Variants in KEL observed in about 807,000 individuals in gnomAD.
KEL encodes the protein kell blood group glycoprotein.
KEL carries 96 observed loss-of-function variants against 99.5 expected under a neutral mutation model. The observed-to-expected ratio is 0.97, with a 90% CI of 0.82 to 1.14. The LOEUF is 1.14. Ranked by LOEUF, KEL falls within the 50% of genes most tolerant of loss-of-function variation. The probability of loss-of-function intolerance (pLI) is 0.00; values close to 1 mark genes in which losing one functional copy is unlikely to be tolerated. For synonymous variants in KEL, 355 were observed against 354.8 expected (o/e 1.00, Z -0.01); for missense variants, 926 against 924.2 (o/e 1.00, Z -0.03).
chr7:142,952,561 G>A lies in KEL; in HGVS notation c.1151C>T (p.Ala384Val), dbSNP rs747535659. 1.2e-6 allele frequency: 2 copies of A among 1,614,126 alleles called. No individual in the cohort carries two copies. Among genetic ancestry groups the A allele is most frequent in the South Asian group, 2.2e-5 (2 of 91,082 alleles). The change falls in exon 10 of 19, where the codon GCA becomes GTA. Residue 384 changes from alanine to valine, a missense_variant. By Grantham distance (64) the Ala-to-Val change is moderately conservative (BLOSUM62 0). Transcript: ENST00000355265. ...SPALDSQFQE[A>V]RRKLSQKLRE... ...CAGTTTCTGGCTGAGCTTTCTGCGT[G>A]CCTCCTGGAATTGACTGTCCAGGGC...
rs1027614296 is a variant in KEL, at chr7:142,961,848, C to A, written c.28G>T (p.Glu10Ter). The A allele has an allele frequency of 1.2e-6, 2 of 1,613,992 alleles. No individual in the cohort carries two copies. Among genetic ancestry groups the A allele is most frequent in the African/African-American group, 2.7e-5 (2 of 74,906 alleles). MEGGDQSEE[E>*]PRERSQAGGM... is the part of the protein sequence containing the mutation. ...CCTGCCTGGCTGCGTTCCCTCGGCT[C>A]TTCCTCACTTTGGTCCCCACCTTCC... Residue 10 changes from glutamate to a stop codon, truncating the protein, a stop_gained, in exon 2 of 19, where the codon GAG (glutamate) becomes TAG (stop). Transcript: ENST00000355265. LOFTEE classifies it high-confidence loss of function.
In KEL at chr7:142,944,394, G is replaced by A. The variant is rs61729056; in HGVS notation, c.1420C>T (p.Gln474Ter). ...GAAGCCCCCATCTCCACCTGCAGTT[G>A]AGCAACCTGGAGAGAGACACAGAAG... ...TQNMAQDKVA[Q>*]LQVEMGASEW... Residue 474 changes from glutamine to a stop codon, truncating the protein, a stop_gained, in exon 13 of 19, where the codon CAA (glutamine) becomes TAA (stop). Coordinates refer to ENST00000355265, the MANE Select transcript of KEL (RefSeq NM_000420.3). LOFTEE classifies it high-confidence loss of function. 20 of 1,612,680 alleles carry A rather than the reference G, an allele frequency of 1.2e-5. No individual in the cohort carries two copies. The highest frequency in any genetic ancestry group is 1.6e-5 in the Non-Finnish European group (19 of 1,178,772).
intron 11 of KEL, among the ~76,000 whole-genome samples, chr7:142,945,707 C>A (rs911051316): frequency 2.0e-5 from 3 of 152,012 alleles, no homozygotes; most frequent in Non-Finnish European, 4.4e-5. Context: ...CGGCTCACTG[C>A]AACCTCTGCC....
chr7:142,948,781 C>T (rs1796598563), intron 10 of KEL, among the ~76,000 whole-genome samples: 2 of 152,132 alleles, frequency 1.3e-5, no homozygotes, highest in Admixed American at 6.5e-5. Context: ...AGTGCAACAT[C>T]AGAGCTACAG....
rs772198215 is a variant in KEL at position 142,953,873 on chromosome 7, C to T, written c.1008G>A (p.Val336=). The T allele has an allele frequency of 1.5e-5, 25 of 1,614,046 alleles. No individual in the cohort carries two copies. Among genetic ancestry groups the T allele is most frequent in the Admixed American group, 1.5e-4 (9 of 60,000 alleles). ...TTTTCAAATATTCCACGTCATGGAC[C>T]ACGAGGGACTGAGAAGGGCTCAGGG... ...PMSLSPSQSL[V]VHDVEYLKNM... is the part of the protein sequence containing the mutation. Residue 336 remains valine (V), a synonymous_variant, in exon 9 of 19, where the codon GTG becomes GTA. Transcript: ENST00000355265.
Position 142,961,063 on chromosome 7 carries a change from A to G in KEL, c.265T>C (p.Tyr89His). 6.2e-7 allele frequency: 1 copy of G among 1,614,198 alleles called. No individual in the cohort carries two copies. The highest frequency in any genetic ancestry group is 2.2e-5 in the East Asian group (1 of 44,876). Residue 89 changes from tyrosine to histidine, a missense_variant, in exon 4 of 19, where the codon TAC becomes CAC. Coordinates refer to ENST00000355265, the MANE Select transcript of KEL (RefSeq NM_000420.3). ...ACACTTGTGTTCCCAGAGGCCAGGT[A>G]ATGATCCCGGAGATCCAAACACACA... ...TSVCLDLRDH[Y>H]LASGNTSVAP...
At chr7:142,958,254 G>A (rs1485385152) in intron 5 of KEL, 50 bp downstream of exon 5, 1 of 1,613,242 alleles carries the variant, frequency 6.2e-7, no homozygotes. Flanking sequence ...AGCATGCATT[G>A]GTCCCATATG....
At chr7:142,951,272 G>A (rs1796680634) in intron 10 of KEL, among the ~76,000 whole-genome samples, 1 of 152,142 alleles carries the variant, frequency 6.6e-6, no homozygotes, top group African/African-American at 2.4e-5. Context: ...GAAGTGCCAT[G>A]AGGCCATGGT....
chr7:142,957,330 T>A (rs2116678710), intron 6 of KEL, among the ~76,000 whole-genome samples: 1 of 152,094 alleles, frequency 6.6e-6, no homozygotes, highest in South Asian at 2.1e-4. Context: ...AGAGAAGGAA[T>A]GTACGGGAGA....
At chr7:142,950,944 C>A (rs1562960687) in intron 10 of KEL, among the ~76,000 whole-genome samples, 1 of 152,102 alleles carries the variant, frequency 6.6e-6, no homozygotes, top group Non-Finnish European at 1.5e-5. Context: ...TTTGCTTCTG[C>A]AAAATGGGGA....
At position 142,953,940 on chromosome 7, in the gene KEL, A is replaced by T. The variant is rs552617094; in HGVS notation, c.941T>A (p.Ile314Asn). The change falls in exon 9 of 19, where the codon ATC becomes AAC. Residue 314 changes from isoleucine (I) to asparagine (N), a missense_variant. Transcript: ENST00000355265. ...CGCTTGCAAGCAGGACAACCAGTCG[A>T]TGGCGGGGGCCATTTCCTTAGAGGA... Reference protein sequence around the residue: ...IDQLKEMAPAIDWLSCLQATF... With the variant: ...IDQLKEMAPANDWLSCLQATF... 5 of 1,614,168 alleles carry T rather than the reference A, an allele frequency of 3.1e-6. No homozygotes were observed. The East Asian group carries it at 1.1e-4, about 36-fold the overall frequency.
At chr7:142,961,262 G>A (rs1360644822) in intron 3 of KEL, 98 bp downstream of exon 3, 1 of 1,572,872 alleles carries the variant, frequency 6.4e-7, no homozygotes, top group Non-Finnish European at 8.7e-7. Context: ...GGGACCCCAA[G>A]GGTCAGGGTG....
chr7:142,942,540 G>C lies in KEL; in HGVS notation c.1942-11C>G. On this transcript the variant is annotated splice_polypyrimidine_tract_variant and intron_variant, in intron 17 of 18. Transcript: ENST00000355265. ...CCTCTTGCTGTATGCCTGGGTAGGG[G>C]TGGGTAGAGAAGGGCCATCAGGCTC... is the stretch of plus-strand genomic sequence containing the variant. 6.3e-7 allele frequency: 1 copy of C among 1,592,364 alleles called. No individual in the cohort carries two copies. Among genetic ancestry groups the C allele is most frequent in the Non-Finnish European group, 8.6e-7 (1 of 1,166,282 alleles).
In KEL at chr7:142,961,591, C is replaced by A. The variant is rs1796961421; in HGVS notation, c.82-90G>T. Reference sequence around the variant, plus strand: ...AGGAGAGAGAATGAATCTGTTGGTGCTACAGTCCCTTTATACAGAAATAAT... The same window carrying A: ...AGGAGAGAGAATGAATCTGTTGGTGATACAGTCCCTTTATACAGAAATAAT... On this transcript the variant is annotated intron_variant, in intron 2 of 18. Transcript: ENST00000355265. 4 of 1,439,058 alleles carry A rather than the reference C, an allele frequency of 2.8e-6. No individual in the cohort carries two copies. The Admixed American group carries it at 7.4e-5, about 26-fold the overall frequency. The allele number at this position is 1,439,058 out of a possible 1,614,324, so 89.1% of individuals were successfully genotyped here.
At chr7:142,942,184 G>A in intron 18 of KEL, 2 of 570,752 alleles carry the variant, frequency 3.5e-6, no homozygotes, top group Admixed American at 6.1e-5. Flanking sequence ...TCTCCTGGAG[G>A]AACTTGGGAA....
In KEL at chr7:142,942,952, T is replaced by C; in HGVS notation, c.1864A>G (p.Ser622Gly). The C allele has an allele frequency of 6.2e-7, 1 of 1,614,148 alleles. No individual in the cohort carries two copies. The highest frequency in any genetic ancestry group is 8.5e-7 in the Non-Finnish European group (1 of 1,180,022). The change falls in exon 17 of 19, where the codon AGC (serine) becomes GGC (glycine). Residue 622 changes from serine (S) to glycine (G), a missense_variant. By Grantham distance (56) the Ser-to-Gly change is moderately conservative. Coordinates refer to ENST00000355265, the MANE Select transcript of KEL (RefSeq NM_000420.3). Reference sequence around the variant, plus strand: ...AGGGAGTCATTGAAGGAGGTTCTGCTAGGTAATGGAAAGGCAGCATAATGG... The same window carrying C: ...AGGGAGTCATTGAAGGAGGTTCTGCCAGGTAATGGAAAGGCAGCATAATGG... ...KRHYAAFPLP[S>G]RTSFNDSLTF...
intron 1 of KEL, 37 bp downstream of exon 1, chr7:142,962,167 C>T (rs1206137524): frequency 6.2e-7 from 1 of 1,614,064 alleles, no homozygotes. Context: ...ACCCTCACCC[C>T]TCCCCGCTAA....
chr7:142,960,107 C>T (rs1796919779), intron 4 of KEL, among the ~76,000 whole-genome samples: 1 of 152,232 alleles, frequency 6.6e-6, no homozygotes, highest in Non-Finnish European at 1.5e-5. Context: ...CAGTTTTCCT[C>T]TCCAGCCTCC....
At chr7:142,953,756 G>A in intron 9 of KEL, 52 bp downstream of exon 9, 2 of 1,602,992 alleles carry the variant, frequency 1.2e-6, no homozygotes, top group South Asian at 2.2e-5. Flanking sequence ...GATCTACGGT[G>A]CTCAGGCTCT....
Sources: allele counts gnomAD v4.1 joint callset (sites outside exome capture counted in the v4.1 genomes callset), GRCh38; gene constraint gnomAD v4.1.1; transcripts MANE v1.5; gene names NCBI Gene and HGNC (gene_info 2026-07-23, HGNC 2026-07-21).